CNGA1: variants seen among roughly 807,000 people sequenced by gnomAD.
CNGA1 encodes the protein cyclic nucleotide gated channel subunit alpha 1.
Under a neutral mutation model 69.7 loss-of-function variants are expected in CNGA1, and 53 were observed. The ratio of observed to expected loss-of-function variants is 0.76; its 90% CI spans 0.61 to 0.96. CNGA1 has a LOEUF of 0.96. CNGA1 is among the 40% of genes least tolerant of loss of function. CNGA1 has a pLI of 0.00. For missense variants in CNGA1, 739 were observed against 811.2 expected (o/e 0.91, Z 1.08); for synonymous variants, 249 against 283.5 (o/e 0.88, Z 1.22).
chr4:48,012,030 CT>C (rs1715188702), intron 1 of CNGA1, among the ~76,000 whole-genome samples: 1 of 152,150 alleles, frequency 6.6e-6, no homozygotes, highest in South Asian at 2.1e-4. Flanking sequence ...AAATTCTCCC[CT>C]ACAAAGAACA....
chr4:47,955,346 C>T (rs564934812), intron 3 of CNGA1, among the ~76,000 whole-genome samples: 1 of 152,066 alleles, frequency 6.6e-6, no homozygotes, highest in East Asian at 1.9e-4. Context: ...CCACGCCTGG[C>T]TAATTTTTGT....
At chr4:48,003,727 AAG>A (rs1205227893) in intron 2 of CNGA1, among the ~76,000 whole-genome samples, 6 of 152,306 alleles carry the variant, frequency 3.9e-5, no homozygotes, top group Non-Finnish European at 7.3e-5. Flanking sequence ...ACCAGAAGAC[AAG>A]AGTGTGAACC....
At chr4:47,981,714 T>C (rs10517202) in intron 2 of CNGA1, among the ~76,000 whole-genome samples, 80,600 of 151,982 alleles carry the variant, frequency 0.53, 23,117 homozygotes, top group Non-Finnish European at 0.64. Context: ...CCTATTAATA[T>C]GAATGAGAGT....
intron 2 of CNGA1, among the ~76,000 whole-genome samples, chr4:47,999,774 G>A (rs759124677): frequency 1.3e-5 from 2 of 152,140 alleles, no homozygotes; most frequent in African/African-American, 2.4e-5. Flanking sequence ...AGGAGGCTGA[G>A]GTAGGAGAAT....
chr4:47,999,861 G>T (rs1173489774), intron 2 of CNGA1, among the ~76,000 whole-genome samples: 1 of 152,050 alleles, frequency 6.6e-6, no homozygotes, highest in Non-Finnish European at 1.5e-5. Context: ...GACAGAGAGA[G>T]ATTTCATTTC....
chr4:48,007,349 G>T (rs1171472077), intron 2 of CNGA1, among the ~76,000 whole-genome samples: 1 of 152,148 alleles, frequency 6.6e-6, no homozygotes, highest in Non-Finnish European at 1.5e-5. Context: ...AATTTATAGA[G>T]AAATTGAACT....
At chr4:47,968,431 G>A (rs1406707884) in intron 3 of CNGA1, among the ~76,000 whole-genome samples, 1 of 151,936 alleles carries the variant, frequency 6.6e-6, no homozygotes, top group Non-Finnish European at 1.5e-5. Flanking sequence ...TGCTAACACA[G>A]TGAATCTAAC....
chr4:47,969,534 A>T (rs1299630028), intron 3 of CNGA1, among the ~76,000 whole-genome samples: 1 of 151,968 alleles, frequency 6.6e-6, no homozygotes, highest in Non-Finnish European at 1.5e-5. Context: ...CAGTGGCACA[A>T]TCTCGGCTCA....
intron 6 of CNGA1, among the ~76,000 whole-genome samples, chr4:47,949,405 G>A (rs898217821): frequency 1.3e-5 from 2 of 152,098 alleles, no homozygotes; most frequent in African/African-American, 2.4e-5. Context: ...TCTGAAGTTC[G>A]ACTTCTCCCT....
rs114734349 is a variant in CNGA1 at position 47,954,674 on chromosome 4, A to T, written c.-14-1971T>A. On this transcript the variant is annotated intron_variant, in intron 3 of 10. Transcript: ENST00000514170. ...TCCTCCTAATTCCCTACTGGCCTTG[A>T]TCACCTAGGCGTGGAGTTTGATACC... Among the ~76,000 whole-genome samples the T allele has an allele frequency of 7.5e-3, 1,150 of 152,338 alleles. 9 individuals carry two copies. Among genetic ancestry groups the T allele is most frequent in the African/African-American group, 0.026 (1,087 of 41,564 alleles).
At chr4:47,989,712 T>G (rs894563187) in intron 2 of CNGA1, among the ~76,000 whole-genome samples, 8 of 149,400 alleles carry the variant, frequency 5.4e-5, no homozygotes, top group Non-Finnish European at 1.2e-4. Flanking sequence ...TAAGTTCTTT[T>G]GTGGTGATTT....
At chr4:47,970,497 A>T (rs1018633887) in intron 3 of CNGA1, among the ~76,000 whole-genome samples, 2 of 151,932 alleles carry the variant, frequency 1.3e-5, no homozygotes, top group African/African-American at 2.4e-5. Flanking sequence ...CTAAAAAAAT[A>T]AAAAATTAGT....
intron 1 of CNGA1, among the ~76,000 whole-genome samples, chr4:48,015,329 CAT>C (rs1715334570): frequency 6.6e-6 from 1 of 152,192 alleles, no homozygotes. Context: ...CAAAGTCATC[CAT>C]ATGTATTATA....
At chr4:47,986,192 G>A (rs1741971453) in intron 2 of CNGA1, among the ~76,000 whole-genome samples, 1 of 152,286 alleles carries the variant, frequency 6.6e-6, no homozygotes, top group South Asian at 2.1e-4. Flanking sequence ...CGGATCACTT[G>A]AGGTCAGGAG....
At chr4:48,014,025 A>G (rs1010407951) in intron 1 of CNGA1, among the ~76,000 whole-genome samples, 3 of 152,152 alleles carry the variant, frequency 2.0e-5, no homozygotes, top group South Asian at 2.1e-4. Flanking sequence ...ATTTATTTTG[A>G]CCATCACCCC....
chr4:47,991,580 G>A (rs112258816), intron 2 of CNGA1, among the ~76,000 whole-genome samples: 3 of 152,296 alleles, frequency 2.0e-5, no homozygotes, highest in African/African-American at 4.8e-5. Flanking sequence ...TTTGTCAGAT[G>A]TATAGATTGT....
intron 2 of CNGA1, among the ~76,000 whole-genome samples, chr4:47,993,435 A>G (rs918286352): frequency 4.6e-5 from 7 of 152,054 alleles, no homozygotes; most frequent in Non-Finnish European, 1.0e-4. Flanking sequence ...CTTTCCAGGA[A>G]TTTATCCATC....
rs182208390 is a variant in CNGA1 at position 47,992,523 on chromosome 4, C to T, written c.-122-11023G>A. ...GATTTGTGTACATTAATTTTGTATC[C>T]GGCAATTTTGCTGAATTCTTTTATC... On this transcript the variant is annotated intron_variant, in intron 2 of 10. Coordinates refer to ENST00000514170, the MANE Select transcript of CNGA1 (RefSeq NM_001379270.1). Among the ~76,000 whole-genome samples, 1,445 of 151,958 alleles carry T rather than the reference C, an allele frequency of 9.5e-3. 10 individuals are homozygous for T. Among genetic ancestry groups the T allele is most frequent in the Non-Finnish European group, 0.012 (783 of 67,954 alleles).
chr4:47,972,231 C>CAAA (rs1016136106), intron 3 of CNGA1, among the ~76,000 whole-genome samples: 1 of 152,140 alleles, frequency 6.6e-6, no homozygotes, highest in Admixed American at 6.5e-5. Context: ...CCTATAAATA[C>CAAA]ATAATATTTT....
Sources: gnomAD v4.1 joint callset for allele counts (sites outside exome capture counted in the v4.1 genomes callset) on GRCh38, gnomAD v4.1.1 for gene constraint, MANE v1.5 for transcripts, NCBI Gene and HGNC (gene_info 2026-07-23, HGNC 2026-07-21) for gene names.